Variants in PSPC1 observed in about 807,000 individuals in gnomAD.
PSPC1 encodes the protein paraspeckle protein 1.
Under a neutral mutation model 51.6 loss-of-function variants are expected in PSPC1, and 14 were observed. That is an observed-to-expected ratio of 0.27 (90% CI 0.18 to 0.42). The LOEUF (loss-of-function observed/expected upper bound fraction) is 0.42, where lower values mean the gene tolerates loss of function less well. PSPC1 is among the 10% of genes least tolerant of loss of function. PSPC1 has a pLI of 1.00. For missense variants in PSPC1, 406 were observed against 701.1 expected (o/e 0.58, Z 4.75); for synonymous variants, 193 against 231.9 (o/e 0.83, Z 1.53).
chr13:19,686,453 C>CA (rs201661715), intron 6 of PSPC1, among the ~76,000 whole-genome samples: 14 of 150,354 alleles, frequency 9.3e-5, no homozygotes, highest in South Asian at 4.2e-4. Flanking sequence ...GAAGTGATCA[C>CA]AAAAAAAAAT....
chr13:19,756,024 G>T (rs143391421), intron 3 of PSPC1, among the ~76,000 whole-genome samples: 4,815 of 152,072 alleles, frequency 0.032, 89 homozygotes, highest in Middle Eastern at 0.075. Flanking sequence ...ATCACCCAAG[G>T]TCAGGAGTTC....
At chr13:19,719,102 CGA>C (rs1328252439) in intron 6 of PSPC1, among the ~76,000 whole-genome samples, 1 of 148,150 alleles carries the variant, frequency 6.7e-6, no homozygotes, top group Non-Finnish European at 1.5e-5. Context: ...TAAAGGTAAA[CGA>C]TAGACTTTGG....
intron 7 of PSPC1, among the ~76,000 whole-genome samples, chr13:19,707,624 G>A (rs1044819377): frequency 6.6e-6 from 1 of 152,130 alleles, no homozygotes; most frequent in Non-Finnish European, 1.5e-5. Flanking sequence ...GTGCTAAAAT[G>A]TAAGTAAGTC....
chr13:19,748,452 C>A (rs761488937), intron 4 of PSPC1, among the ~76,000 whole-genome samples: 32 of 152,114 alleles, frequency 2.1e-4, no homozygotes, highest in Non-Finnish European at 3.8e-4. Context: ...TAAATGAACA[C>A]ACACGATAAA....
intron 6 of PSPC1, among the ~76,000 whole-genome samples, chr13:19,721,045 A>C (rs182977006): frequency 5.3e-4 from 81 of 152,016 alleles, no homozygotes; most frequent in Middle Eastern, 3.4e-3. Context: ...AGACATTATA[A>C]TTTTTTAGTT....
chr13:19,748,582 C>T (rs1019044148), intron 4 of PSPC1, among the ~76,000 whole-genome samples: 3 of 152,102 alleles, frequency 2.0e-5, no homozygotes, highest in Admixed American at 1.3e-4. Flanking sequence ...ATGTTCTTTG[C>T]CATCAATATA....
At chr13:19,713,303 T>C (rs770299908) in intron 6 of PSPC1, among the ~76,000 whole-genome samples, 2 of 152,140 alleles carry the variant, frequency 1.3e-5, no homozygotes, top group Non-Finnish European at 2.9e-5. Flanking sequence ...AATAAACCTA[T>C]GATGAAAACT....
chr13:19,738,645 C>T (rs746777054), intron 5 of PSPC1, among the ~76,000 whole-genome samples: 61 of 152,158 alleles, frequency 4.0e-4, no homozygotes, highest in Non-Finnish European at 7.5e-4. Context: ...CAGTGGCTCA[C>T]GCCTGTAATC....
At chr13:19,700,737 T>C (rs1257414204), downstream of PSPC1, among the ~76,000 whole-genome samples, 3 of 152,220 alleles carry the variant, frequency 2.0e-5, no homozygotes, top group South Asian at 4.1e-4. Flanking sequence ...TATCATAATA[T>C]TGTTATATAT....
chr13:19,688,513 T>C (rs1360827341), intron 6 of PSPC1, among the ~76,000 whole-genome samples: 1 of 152,198 alleles, frequency 6.6e-6, no homozygotes, highest in East Asian at 1.9e-4. Flanking sequence ...TTATTGATGT[T>C]TGTCATCCTT....
chr13:19,730,145 A>C (rs1477111518), intron 6 of PSPC1, 94 bp downstream of exon 6: 9 of 927,502 alleles, frequency 9.7e-6, no homozygotes, highest in Non-Finnish European at 1.4e-5. Flanking sequence ...AGATTAGAAA[A>C]GACTACTGTA....
chr13:19,774,063 G>A (rs908265355), intron 1 of PSPC1, among the ~76,000 whole-genome samples: 12 of 152,044 alleles, frequency 7.9e-5, no homozygotes, highest in African/African-American at 2.4e-4. Flanking sequence ...AATAGTTCTC[G>A]CCATTATATA....
At chr13:19,736,778 T>C (rs1369528021) in intron 5 of PSPC1, among the ~76,000 whole-genome samples, 1 of 152,206 alleles carries the variant, frequency 6.6e-6, no homozygotes, top group Non-Finnish European at 1.5e-5. Context: ...TCTATGTGCC[T>C]CACGAGCTTC....
chr13:19,673,658 T>C (rs3825443), downstream of PSPC1, among the ~76,000 whole-genome samples: 104,332 of 152,082 alleles, frequency 0.69, 38,472 homozygotes, highest in East Asian at 0.89. Context: ...AGTCCAACTA[T>C]AGATGTGAAT....
At chr13:19,675,306 G>A (rs566336126) in intron 7 of PSPC1, 1 of 152,276 alleles carries the variant, frequency 6.6e-6, no homozygotes, top group Admixed American at 6.5e-5. Context: ...TTGAAAAGGA[G>A]GGATTTCTTG....
Position 19,745,462 on chromosome 13 carries a change from A to G in PSPC1, c.968-3813T>C, listed in dbSNP as rs1418248689. Reference sequence around the variant, plus strand: ...CTAAAATTTTGATTTGCTAGACTGTAAGACAGTGTTTTCTCAATTTAAAAT... The same window carrying G: ...CTAAAATTTTGATTTGCTAGACTGTGAGACAGTGTTTTCTCAATTTAAAAT... On this transcript the variant is annotated intron_variant, in intron 4 of 8. Coordinates refer to ENST00000338910, the MANE Select transcript of PSPC1 (RefSeq NM_001354909.2). 2.6e-5 allele frequency among the ~76,000 whole-genome samples: 4 copies of G among 152,286 alleles called. No individual in the cohort carries two copies. In the East Asian group the frequency reaches 7.7e-4, roughly 29 times the overall value.
At chr13:19,738,401 C>T (rs1227953623) in intron 5 of PSPC1, among the ~76,000 whole-genome samples, 2 of 152,106 alleles carry the variant, frequency 1.3e-5, no homozygotes, top group African/African-American at 4.8e-5. Flanking sequence ...GTGTAGTATT[C>T]GCATATAACC....
At chr13:19,690,837 A>G (rs1878456324) in intron 6 of PSPC1, among the ~76,000 whole-genome samples, 1 of 152,158 alleles carries the variant, frequency 6.6e-6, no homozygotes, top group Admixed American at 6.5e-5. Context: ...ATATTCTACC[A>G]ACGTCTATTA....
downstream of PSPC1, among the ~76,000 whole-genome samples, chr13:19,702,137 A>G (rs1879983151): frequency 6.6e-6 from 1 of 152,200 alleles, no homozygotes; most frequent in Non-Finnish European, 1.5e-5. Context: ...AAACACAAAC[A>G]AACAATTAAA....
Sources: gnomAD v4.1 joint callset for allele counts (sites outside exome capture counted in the v4.1 genomes callset) on GRCh38, gnomAD v4.1.1 for gene constraint, MANE v1.5 for transcripts, NCBI Gene and HGNC (gene_info 2026-07-23, HGNC 2026-07-21) for gene names.